The following CFAP299 variants were observed in gnomAD, a reference collection of about 807,000 sequenced individuals.
CFAP299 encodes cilia and flagella associated protein 299.
CFAP299 carries 21 observed loss-of-function variants against 27.0 expected under a neutral mutation model. That is an observed-to-expected ratio of 0.78 (90% CI 0.55 to 1.12). The LOEUF (loss-of-function observed/expected upper bound fraction) is 1.12, where lower values mean the gene tolerates loss of function less well. Among genes scored for constraint, CFAP299 ranks in the 50% most tolerant of loss-of-function variants. The pLI is 0.00. For missense variants in CFAP299, 310 were observed against 276.6 expected, an observed-to-expected ratio of 1.12 and a Z score of -0.86; for synonymous variants, 104 against 98.1, an observed-to-expected ratio of 1.06 and a Z score of -0.36.
chr4:80,795,079 G>T (rs1420652921), intron 3 of CFAP299, among the ~76,000 whole-genome samples: 1 of 152,156 alleles, frequency 6.6e-6, no homozygotes, highest in Non-Finnish European at 1.5e-5. Context: ...GGTGTCCACA[G>T]AACGGGGCAT....
intron 3 of CFAP299, among the ~76,000 whole-genome samples, chr4:80,682,153 C>A (rs1488957757): frequency 6.6e-6 from 1 of 152,120 alleles, no homozygotes; most frequent in Non-Finnish European, 1.5e-5. Flanking sequence ...TGGACAATAT[C>A]ATAGACATAG....
intron 2 of CFAP299, among the ~76,000 whole-genome samples, chr4:80,471,733 A>G (rs911743352): frequency 2.6e-5 from 4 of 152,122 alleles, no homozygotes; most frequent in African/African-American, 9.7e-5. Flanking sequence ...TAACATGTGA[A>G]ATAAGGTGTA....
At chr4:80,795,916 A>G (rs1727832520) in intron 3 of CFAP299, among the ~76,000 whole-genome samples, 1 of 152,158 alleles carries the variant, frequency 6.6e-6, no homozygotes. Context: ...TGATTCATGT[A>G]TGGGGACCTG....
At chr4:80,358,266 C>T (rs1053252254) in intron 1 of CFAP299, among the ~76,000 whole-genome samples, 1 of 151,962 alleles carries the variant, frequency 6.6e-6, no homozygotes, top group African/African-American at 2.4e-5. Flanking sequence ...ATTATGTGGT[C>T]GATTTCAGAA....
At chr4:80,648,666 G>T (rs1468926796) in intron 3 of CFAP299, among the ~76,000 whole-genome samples, 2 of 152,108 alleles carry the variant, frequency 1.3e-5, no homozygotes, top group Admixed American at 6.6e-5. Flanking sequence ...TGAGAAATAA[G>T]TAAAAATATA....
At chr4:80,451,357 G>A (rs140710310) in intron 2 of CFAP299, among the ~76,000 whole-genome samples, 69 of 152,268 alleles carry the variant, frequency 4.5e-4, no homozygotes, top group African/African-American at 1.4e-3. Context: ...TTCTTTGAAT[G>A]TCCTATCTCC....
At chr4:80,673,968 T>C (rs1237282913) in intron 3 of CFAP299, among the ~76,000 whole-genome samples, 2 of 152,114 alleles carry the variant, frequency 1.3e-5, no homozygotes, top group Non-Finnish European at 2.9e-5. Context: ...TGTCTTGACT[T>C]TTATCCAATT....
At chr4:80,500,622 G>T (rs1214976593) in intron 2 of CFAP299, among the ~76,000 whole-genome samples, 1 of 152,034 alleles carries the variant, frequency 6.6e-6, no homozygotes, top group Admixed American at 6.6e-5. Context: ...ATTCTAAAAT[G>T]GTTTAATATT....
intron 3 of CFAP299, among the ~76,000 whole-genome samples, chr4:80,591,105 A>ATTTTTTTTTT (rs70944795): frequency 2.4e-5 from 3 of 126,860 alleles, no homozygotes; most frequent in Non-Finnish European, 3.2e-5. Context: ...ACTTTAGGAA[A>ATTTTTTTTTT]TTTTTTTTTT....
At chr4:80,552,599 TG>T (rs1447403163) in intron 2 of CFAP299, among the ~76,000 whole-genome samples, 2 of 152,204 alleles carry the variant, frequency 1.3e-5, no homozygotes, top group Admixed American at 6.5e-5. Flanking sequence ...AAAATGATTA[TG>T]GAAAAAGAAA....
intron 2 of CFAP299, among the ~76,000 whole-genome samples, chr4:80,554,665 C>T (rs181826480): frequency 9.2e-4 from 140 of 152,028 alleles, no homozygotes; most frequent in African/African-American, 3.3e-3. Flanking sequence ...TGTGTCTTCT[C>T]TGGTTTCTTT....
chr4:80,335,960 C>T, intron 1 of CFAP299, 81 bp downstream of exon 1: 1 of 893,420 alleles, frequency 1.1e-6, no homozygotes, highest in Non-Finnish European at 1.9e-6. Context: ...GGGCTGGTCG[C>T]CCCCTGGCGC....
chr4:80,680,189 A>C (rs1238794346), intron 3 of CFAP299, among the ~76,000 whole-genome samples: 2 of 152,014 alleles, frequency 1.3e-5, no homozygotes, highest in South Asian at 2.1e-4. Context: ...TTTCTATCAA[A>C]TCTTTAATTT....
intron 3 of CFAP299, among the ~76,000 whole-genome samples, chr4:80,690,248 C>T (rs897484813): frequency 6.7e-6 from 1 of 150,216 alleles, no homozygotes; most frequent in Non-Finnish European, 1.5e-5. Flanking sequence ...ACATTTTTTT[C>T]AGCACCACAC....
chr4:80,510,811 C>T (rs1049252392), intron 2 of CFAP299, among the ~76,000 whole-genome samples: 1 of 152,198 alleles, frequency 6.6e-6, no homozygotes, highest in African/African-American at 2.4e-5. Flanking sequence ...AACTATTTAT[C>T]ATTTGTAGTA....
intron 3 of CFAP299, among the ~76,000 whole-genome samples, chr4:80,613,516 A>C (rs1738108344): frequency 6.6e-6 from 1 of 152,190 alleles, no homozygotes; most frequent in South Asian, 2.1e-4. Context: ...AATGTCAATT[A>C]AGACAAATAG....
intron 3 of CFAP299, among the ~76,000 whole-genome samples, chr4:80,800,687 T>G (rs547820685): frequency 8.7e-6 from 1 of 114,602 alleles, no homozygotes; most frequent in Admixed American, 1.3e-4. Context: ...TATGATATAT[T>G]ATATATATTT....
intron 3 of CFAP299, among the ~76,000 whole-genome samples, chr4:80,592,301 G>A (rs1736828935): frequency 6.6e-6 from 1 of 152,126 alleles, no homozygotes. Context: ...ATTTGTATAT[G>A]TGCAATAAAG....
chr4:80,862,481 A>G (rs1379394332), intron 3 of CFAP299, among the ~76,000 whole-genome samples: 2 of 152,152 alleles, frequency 1.3e-5, no homozygotes, highest in Non-Finnish European at 2.9e-5. Context: ...TCAATCCCCA[A>G]CCATTGCAAA....
Sources: gnomAD v4.1 joint callset for allele counts (sites outside exome capture counted in the v4.1 genomes callset) on GRCh38, gnomAD v4.1.1 for gene constraint, MANE v1.5 for transcripts, NCBI Gene and HGNC (gene_info 2026-07-23, HGNC 2026-07-21) for gene names.